Variants in TATDN2 observed in about 807,000 individuals in gnomAD.
The protein encoded by TATDN2 is 3'-5' RNA nuclease TATDN2.
TATDN2 carries 44 observed loss-of-function variants against 60.3 expected under a neutral mutation model. The observed-to-expected ratio is 0.73, with a 90% CI of 0.57 to 0.94. The LOEUF (loss-of-function observed/expected upper bound fraction) is 0.94, where lower values mean the gene tolerates loss of function less well. Ranked by LOEUF, TATDN2 falls within the 40% of genes least tolerant of loss-of-function variation. TATDN2 has a pLI of 0.00. For missense variants in TATDN2, 997 were observed against 948.0 expected (o/e 1.05, Z -0.68); for synonymous variants, 399 against 355.8 (o/e 1.12, Z -1.37).
In TATDN2 at chr3:10,270,994, G is replaced by A. The variant is rs776338958; in HGVS notation, c.1812G>A (p.Thr604=). The A allele has an allele frequency of 1.3e-5, 21 of 1,596,868 alleles. No homozygotes were observed. In the East Asian group the frequency reaches 2.0e-4, roughly 15 times the overall value. ...MGLDYSYKCT[T]PVPEQHKVFE... is the part of the protein sequence containing the mutation. ...TGGATTACTCTTACAAGTGCACCAC[G>A]CCTGTCCCAGAACAGCACAAGGTAA... Residue 604 remains threonine (T), a synonymous_variant, in exon 4 of 8, where the codon ACG becomes ACA. Coordinates refer to ENST00000448281, the MANE Select transcript of TATDN2 (RefSeq NM_014760.4).
chr3:10,270,214 C>T lies in TATDN2; in HGVS notation c.1032C>T (p.Phe344=), dbSNP rs755341757. The change falls in exon 4 of 8, where the codon TTC becomes TTT. Residue 344 remains phenylalanine (F), a synonymous_variant. Transcript: ENST00000448281. ...SDVEEISTVR[F]SQEEPVSLKP... ...TTGAGGAGATCTCCACAGTCAGATTCTCTCAGGAGGAACCTGTCTCCCTGA... is the reference window on the plus strand; with the variant it reads ...TTGAGGAGATCTCCACAGTCAGATTTTCTCAGGAGGAACCTGTCTCCCTGA... 1.2e-6 allele frequency: 2 copies of T among 1,614,214 alleles called. No individual in the cohort carries two copies. The highest frequency in any genetic ancestry group is 1.7e-6 in the Non-Finnish European group (2 of 1,180,048).
intron 2 of TATDN2, among the ~76,000 whole-genome samples, chr3:10,250,168 G>T (rs1698199758): frequency 7.2e-6 from 1 of 138,126 alleles, no homozygotes; most frequent in Non-Finnish European, 1.6e-5. Flanking sequence ...GGTGGTGCTA[G>T]TTTTTTTTTT....
At chr3:10,274,217 T>A (rs1698604149) in intron 4 of TATDN2, among the ~76,000 whole-genome samples, 1 of 152,194 alleles carries the variant, frequency 6.6e-6, no homozygotes, top group Non-Finnish European at 1.5e-5. Flanking sequence ...TCTAATGAGT[T>A]CTTCTTCCTT....
In TATDN2 at chr3:10,279,277, G is replaced by T; in HGVS notation, c.*95G>T. 1 of 419,544 alleles carries T rather than the reference G, an allele frequency of 2.4e-6. No homozygotes were observed. Among genetic ancestry groups the T allele is most frequent in the Middle Eastern group, 6.6e-4 (1 of 1,524 alleles). 26.0% of individuals were successfully genotyped at this position (419,544 alleles called of 1,614,324 possible). A position where few individuals can be genotyped will look rare whatever the true frequency, so the allele number is the denominator to read the frequency against. On this transcript the variant is annotated 3_prime_UTR_variant, in exon 8 of 8. Transcript: ENST00000448281. ...GCTTGAAGTCTGTGTCTCAGGTCGA[G>T]GATGTGTTTAGAGAGCTGATTGGAA...
chr3:10,252,150 A>T (rs527358899), intron 2 of TATDN2, among the ~76,000 whole-genome samples: 1 of 147,264 alleles, frequency 6.8e-6, no homozygotes, highest in African/African-American at 2.5e-5. Flanking sequence ...TCAGTCTCAA[A>T]AAAAAAAAAA....
intron 2 of TATDN2, among the ~76,000 whole-genome samples, chr3:10,252,710 A>G (rs1168743189): frequency 6.7e-6 from 1 of 148,830 alleles, no homozygotes; most frequent in Non-Finnish European, 1.5e-5. Flanking sequence ...TTTTTGTTTG[A>G]GACAGGGTCT....
intron 2 of TATDN2, among the ~76,000 whole-genome samples, chr3:10,250,761 C>T (rs1055020818): frequency 5.3e-5 from 8 of 152,278 alleles, no homozygotes; most frequent in Non-Finnish European, 4.4e-5. Context: ...AGCCCTGTCT[C>T]TAGCGTAGGA....
intron 4 of TATDN2, among the ~76,000 whole-genome samples, chr3:10,272,115 C>T (rs1258013019): frequency 6.6e-6 from 1 of 150,962 alleles, no homozygotes; most frequent in African/African-American, 2.4e-5. Flanking sequence ...AATTTCTTTT[C>T]TTTTTTTTTC....
At chr3:10,251,533 G>A (rs1698232177) in intron 2 of TATDN2, among the ~76,000 whole-genome samples, 1 of 151,782 alleles carries the variant, frequency 6.6e-6, no homozygotes, top group South Asian at 2.1e-4. Flanking sequence ...CTACAGGTGT[G>A]CGCTACCGTG....
chr3:10,252,633 A>G (rs1188047343), intron 2 of TATDN2, among the ~76,000 whole-genome samples: 11 of 151,372 alleles, frequency 7.3e-5, no homozygotes, highest in African/African-American at 7.3e-5. Context: ...CAAAAATGGC[A>G]TGTTCATCCT....
Position 10,248,844 on chromosome 3 carries a change from T to G in TATDN2, c.-230T>G, listed in dbSNP as rs1698174333. On this transcript the variant is annotated 5_prime_UTR_variant, in exon 1 of 8. Coordinates refer to ENST00000448281, the MANE Select transcript of TATDN2 (RefSeq NM_014760.4). ...AAGCGCTTGACAGTTCTAAAGGGCT[T>G]TATATTGCAAACTGATCAAAGCGCT... is the stretch of plus-strand genomic sequence containing the variant. The G allele has an allele frequency of 8.7e-6, 2 of 230,342 alleles. No individual in the cohort carries two copies. The highest frequency in any genetic ancestry group is 5.7e-5 in the Admixed American group (1 of 17,592). 14.3% of individuals were successfully genotyped at this position (230,342 alleles called of 1,614,324 possible). A position where few individuals can be genotyped will look rare whatever the true frequency, so the allele number is the denominator to read the frequency against.
intron 2 of TATDN2, 49 bp downstream of exon 2, chr3:10,249,663 T>A: frequency 1.4e-6 from 2 of 1,480,168 alleles, no homozygotes; most frequent in Non-Finnish European, 1.8e-6. Context: ...TCCACATGGC[T>A]TGAGAGGTTG....
chr3:10,279,059 A>T lies in TATDN2; in HGVS notation c.*34A>T. 1 of 1,595,868 alleles carries T rather than the reference A, an allele frequency of 6.3e-7. No homozygotes were observed. The highest frequency in any genetic ancestry group is 8.5e-7 in the Non-Finnish European group (1 of 1,173,616). On this transcript the variant is annotated 3_prime_UTR_variant, in exon 7 of 8. Coordinates refer to ENST00000448281, the MANE Select transcript of TATDN2 (RefSeq NM_014760.4). The stretch of plus-strand genomic sequence containing the variant: ...GGTACAGTCCTCGGGAGTCTCCTAG[A>T]AAAGGTCGTAAAACTCACATTCTGT...
At chr3:10,257,612 C>CA (rs919342302) in intron 2 of TATDN2, among the ~76,000 whole-genome samples, 1,423 of 108,114 alleles carry the variant, frequency 0.013, 16 homozygotes, top group African/African-American at 0.042. Context: ...AAAAAAAAAA[C>CA]AAAAAAAAAA....
intron 2 of TATDN2, among the ~76,000 whole-genome samples, chr3:10,257,218 G>T (rs894827480): frequency 6.6e-6 from 1 of 151,174 alleles, no homozygotes; most frequent in Non-Finnish European, 1.5e-5. Context: ...CCTCAGAGGC[G>T]GAGGTTGCAG....
Position 10,249,408 on chromosome 3 carries a change from T to C in TATDN2, c.208T>C (p.Ser70Pro). ...EDDVACSRRLSWGSSRRRNNS... is the reference protein window; with the variant it reads ...EDDVACSRRLPWGSSRRRNNS... ...CGATGTGGCTTGCTCGCGGAGGTTA[T>C]CCTGGGGCTCATCCCGCCGCAGAAA... The change falls in exon 2 of 8, where the codon TCC becomes CCC. Residue 70 changes from serine (S) to proline (P), a missense_variant. Ser to Pro is a moderately conservative substitution (Grantham distance 74, BLOSUM62 -1). Coordinates refer to ENST00000448281, the MANE Select transcript of TATDN2 (RefSeq NM_014760.4). 2.5e-6 allele frequency: 4 copies of C among 1,613,398 alleles called. No homozygotes were observed. Among genetic ancestry groups the C allele is most frequent in the Non-Finnish European group, 3.4e-6 (4 of 1,179,910 alleles).
At chr3:10,250,800 T>TCTCATACA (rs1257533419) in intron 2 of TATDN2, among the ~76,000 whole-genome samples, 2 of 152,218 alleles carry the variant, frequency 1.3e-5, no homozygotes, top group Admixed American at 1.3e-4. Context: ...ATCAGGTAAG[T>TCTCATACA]ATGGGACTTT....
intron 3 of TATDN2, among the ~76,000 whole-genome samples, chr3:10,265,172 G>A: frequency 6.7e-6 from 1 of 149,844 alleles, no homozygotes; most frequent in Non-Finnish European, 1.5e-5. Context: ...TGCCTCCTGG[G>A]TTCAAGCAAT....
intron 2 of TATDN2, among the ~76,000 whole-genome samples, chr3:10,255,770 C>T (rs936929834): frequency 1.3e-5 from 2 of 152,110 alleles, no homozygotes; most frequent in African/African-American, 4.8e-5. Context: ...GGAGAAACCT[C>T]GTCTCTACCA....
Sources: allele counts gnomAD v4.1 joint callset (sites outside exome capture counted in the v4.1 genomes callset), GRCh38; gene constraint gnomAD v4.1.1; transcripts MANE v1.5; gene names NCBI Gene and HGNC (gene_info 2026-07-23, HGNC 2026-07-21).